Variants in HS3ST3A1 observed in about 807,000 individuals in gnomAD.
HS3ST3A1 encodes heparan sulfate glucosamine 3-O-sulfotransferase 3A1.
A neutral mutation model predicts 25.7 loss-of-function variants in HS3ST3A1; 19 were observed. The observed-to-expected ratio is 0.74, with a 90% CI of 0.52 to 1.08. The LOEUF (loss-of-function observed/expected upper bound fraction) is 1.08. HS3ST3A1 is among the 50% of genes least tolerant of loss of function. The pLI, the probability that HS3ST3A1 is intolerant of heterozygous loss-of-function variation, is 0.00. For missense variants in HS3ST3A1, 459 were observed against 594.3 expected (o/e 0.77, Z 2.37); for synonymous variants, 226 against 278.6 (o/e 0.81, Z 1.88).
At position 13,592,173 on chromosome 17, in the gene HS3ST3A1, G is replaced by A. The variant is rs147891496; in HGVS notation, c.599+8358C>T. 2.4e-3 allele frequency among the ~76,000 whole-genome samples: 370 copies of A among 152,328 alleles called. 3 individuals carry two copies. Among genetic ancestry groups the A allele is most frequent in the African/African-American group, 8.3e-3 (346 of 41,582 alleles). ...TGAGGCTCTGGCATGCTGGAGGTGG[G>A]TGAATCTGGGTTTGGCAGTAGTTCT... On this transcript the variant is annotated intron_variant, in intron 1 of 1. Transcript: ENST00000284110.
intron 1 of HS3ST3A1, among the ~76,000 whole-genome samples, chr17:13,543,079 C>T (rs914464796): frequency 1.3e-5 from 2 of 152,158 alleles, no homozygotes; most frequent in East Asian, 1.9e-4. Context: ...TCTGGCTGCT[C>T]CTCTGTATCC....
At chr17:13,556,542 T>TAAAATAAAATAAAATAAAATAAAA (rs1238327302) in intron 1 of HS3ST3A1, among the ~76,000 whole-genome samples, 1 of 80,968 alleles carries the variant, frequency 1.2e-5, no homozygotes, top group Non-Finnish European at 2.3e-5. Context: ...ATAAAATAAA[T>TAAAATAAAATAAAATAAAATAAAA]AGATAAAAAA....
intron 1 of HS3ST3A1, among the ~76,000 whole-genome samples, chr17:13,573,373 A>G (rs1001385150): frequency 6.6e-6 from 1 of 152,092 alleles, no homozygotes; most frequent in African/African-American, 2.4e-5. Context: ...TGCCTGTCTC[A>G]TGGAAGGTTC....
At chr17:13,588,916 G>A (rs1908349792) in intron 1 of HS3ST3A1, among the ~76,000 whole-genome samples, 1 of 152,076 alleles carries the variant, frequency 6.6e-6, no homozygotes, top group African/African-American at 2.4e-5. Flanking sequence ...GACCGTCTCG[G>A]CCTCCCAAAG....
chr17:13,513,419 T>C (rs1905943840), intron 1 of HS3ST3A1, among the ~76,000 whole-genome samples: 2 of 152,162 alleles, frequency 1.3e-5, no homozygotes, highest in African/African-American at 4.8e-5. Context: ...ATTCAAAAAA[T>C]TCTACATGCA....
intron 1 of HS3ST3A1, among the ~76,000 whole-genome samples, chr17:13,522,853 GACACACACACAC>G (rs374742145): frequency 2.0e-5 from 3 of 148,348 alleles, no homozygotes; most frequent in South Asian, 2.2e-4. Flanking sequence ...CACACAGAGA[GACACACACACAC>G]ACACACACAC....
At position 13,581,353 on chromosome 17, in the gene HS3ST3A1, G is replaced by A. The variant is rs560449316; in HGVS notation, c.599+19178C>T. On this transcript the variant is annotated intron_variant, in intron 1 of 1. Coordinates refer to ENST00000284110, the MANE Select transcript of HS3ST3A1 (RefSeq NM_006042.3). The stretch of plus-strand genomic sequence containing the variant: ...GTGGTGGCACGCACCTGTAGTCCCA[G>A]CTACTCAGGAGGCTGAGGCATGAGA... Among the ~76,000 whole-genome samples the A allele has an allele frequency of 5.9e-5, 9 of 151,824 alleles. No homozygotes were observed. In the South Asian group the frequency reaches 1.9e-3, roughly 32 times the overall value.
chr17:13,592,029 G>A (rs1163385939), intron 1 of HS3ST3A1, among the ~76,000 whole-genome samples: 1 of 152,108 alleles, frequency 6.6e-6, no homozygotes, highest in African/African-American at 2.4e-5. Flanking sequence ...ACCACATGGG[G>A]CAGCCTTTCA....
Position 13,496,323 on chromosome 17 carries a change from G to A in HS3ST3A1, c.1095C>T (p.Gly365=). The A allele has an allele frequency of 1.3e-6, 2 of 1,558,032 alleles. No individual in the cohort carries two copies. Among genetic ancestry groups the A allele is most frequent in the Non-Finnish European group, 1.7e-6 (2 of 1,150,654 alleles). The change falls in exon 2 of 2, where the codon GGC becomes GGT. Residue 365 remains glycine (G), a synonymous_variant. Coordinates refer to ENST00000284110, the MANE Select transcript of HS3ST3A1 (RefSeq NM_006042.3). ...CAGGATGGGTCCTGCCCTTGGTCTT[G>A]CCCAGGCAATGGGGCCGGCTGCTGC... ...AEGSSRPHCL[G]KTKGRTHPEI...
chr17:13,571,391 C>T (rs1907806567), intron 1 of HS3ST3A1, among the ~76,000 whole-genome samples: 2 of 152,182 alleles, frequency 1.3e-5, no homozygotes, highest in Non-Finnish European at 2.9e-5. Flanking sequence ...TCATATTTTA[C>T]ATAATTCAGT....
chr17:13,568,281 T>C (rs1360659002), intron 1 of HS3ST3A1, among the ~76,000 whole-genome samples: 1 of 152,250 alleles, frequency 6.6e-6, no homozygotes, highest in African/African-American at 2.4e-5. Flanking sequence ...TAGACTATAG[T>C]ATAGCATAAA....
chr17:13,579,701 CAAAAAAAAAAA>C (rs543748713), intron 1 of HS3ST3A1, among the ~76,000 whole-genome samples: 3 of 23,666 alleles, frequency 1.3e-4, no homozygotes, highest in South Asian at 8.0e-4. Context: ...ACTCCATCTC[CAAAAAAAAAAA>C]AAAAAAAAAA....
chr17:13,512,968 G>A (rs1031395040), intron 1 of HS3ST3A1, among the ~76,000 whole-genome samples: 2 of 152,102 alleles, frequency 1.3e-5, no homozygotes, highest in African/African-American at 4.8e-5. Flanking sequence ...TTGTTAGGAG[G>A]GAATATTTGT....
rs10632927 is a variant in HS3ST3A1 at position 13,560,289 on chromosome 17, C to CAAAAAAA, written c.599+40235_599+40241dup. ...TGGGCAACAGAGGGACACTCGTCTC[C>CAAAAAAA]AAAAAAAAAAAAAAAAAAAAAAAAA... is the stretch of plus-strand genomic sequence containing the variant. On this transcript the variant is annotated intron_variant, in intron 1 of 1. Transcript: ENST00000284110. Among the ~76,000 whole-genome samples the CAAAAAAA allele has an allele frequency of 1.8e-3, 32 of 17,378 alleles. 7 individuals carry two copies. Among genetic ancestry groups the CAAAAAAA allele is most frequent in the South Asian group, 0.01 (3 of 292 alleles). 11.4% of individuals were successfully genotyped at this position (17,378 alleles called of 152,430 possible).
rs1356141163 is a variant in HS3ST3A1 at position 13,496,457 on chromosome 17, C to A, written c.961G>T (p.Gly321Trp). The A allele has an allele frequency of 5.8e-6, 8 of 1,378,512 alleles. No individual in the cohort carries two copies. 85.4% of individuals were successfully genotyped at this position (1,378,512 alleles called of 1,614,324 possible). ...AAGTCTTGCACGCGGCCCAGCTCCC[C>A]GGCCGGGTCGCTGATGAGCCGCTCG... ...SGERLISDPA[G>W]ELGRVQDFLG... The change falls in exon 2 of 2, where the codon GGG (glycine) becomes TGG (tryptophan). Residue 321 changes from glycine (G) to tryptophan (W), a missense_variant. Coordinates refer to ENST00000284110, the MANE Select transcript of HS3ST3A1 (RefSeq NM_006042.3).
At chr17:13,560,785 A>G (rs547524617) in intron 1 of HS3ST3A1, among the ~76,000 whole-genome samples, 8 of 152,332 alleles carry the variant, frequency 5.3e-5, no homozygotes, top group African/African-American at 1.9e-4. Context: ...AGTACTTAGT[A>G]CCTCAGGAAA....
intron 1 of HS3ST3A1, among the ~76,000 whole-genome samples, chr17:13,521,554 A>G (rs1906240297): frequency 6.6e-6 from 1 of 152,170 alleles, no homozygotes; most frequent in African/African-American, 2.4e-5. Context: ...GCTTTCATGG[A>G]CACTTAGAGA....
At chr17:13,550,848 C>T (rs1052259392) in intron 1 of HS3ST3A1, among the ~76,000 whole-genome samples, 1 of 152,152 alleles carries the variant, frequency 6.6e-6, no homozygotes, top group African/African-American at 2.4e-5. Flanking sequence ...GCGGGCAGAT[C>T]TCGATGTCCG....
In HS3ST3A1 at chr17:13,600,598, C is replaced by A. The variant is rs778337155; in HGVS notation, c.532G>T (p.Val178Leu). ...TGGGGCTCGGCGCCCACGGCGCGCACGTCGGGGTGCACGCGCAGGAACTCC... is the reference window on the plus strand; with the variant it reads ...TGGGGCTCGGCGCCCACGGCGCGCAAGTCGGGGTGCACGCGCAGGAACTCC... ...LLEFLRVHPDVRAVGAEPHFF... is the reference protein window; with the variant it reads ...LLEFLRVHPDLRAVGAEPHFF... The change falls in exon 1 of 2, where the codon GTG becomes TTG. Residue 178 changes from valine to leucine, a missense_variant. This residue lies in a region of HS3ST3A1 where 346 missense variants were observed against 303.9 expected (regional missense o/e 1.14). Coordinates refer to ENST00000284110, the MANE Select transcript of HS3ST3A1 (RefSeq NM_006042.3). 1 of 1,600,494 alleles carries A rather than the reference C, an allele frequency of 6.2e-7. No homozygotes were observed. Among genetic ancestry groups the A allele is most frequent in the South Asian group, 1.1e-5 (1 of 90,386 alleles).
Sources: gnomAD v4.1 joint callset for allele counts (sites outside exome capture counted in the v4.1 genomes callset) on GRCh38, gnomAD v4.1.1 for gene constraint, gnomAD v4.1.1 regional missense constraint, MANE v1.5 for transcripts, NCBI Gene and HGNC (gene_info 2026-07-23, HGNC 2026-07-21) for gene names.